GK5: variants seen among roughly 807,000 people sequenced by gnomAD.
The protein encoded by GK5 is glycerol kinase 5.
In GK5, 39 loss-of-function variants were observed where a neutral mutation model predicts 77.3. The observed-to-expected ratio is 0.50, with a 90% confidence interval of 0.39 to 0.66. GK5 has a LOEUF of 0.66. Among genes scored for constraint, GK5 ranks in the 30% least tolerant of loss-of-function variants. The pLI is 0.00. For missense variants in GK5, 487 were observed against 633.8 expected, an observed-to-expected ratio of 0.77 and a Z score of 2.49; for synonymous variants, 211 against 208.0, an observed-to-expected ratio of 1.01 and a Z score of -0.13.
intron 3 of GK5, among the ~76,000 whole-genome samples, chr3:142,207,647 C>G (rs183196120): frequency 5.9e-5 from 9 of 152,254 alleles, no homozygotes; most frequent in Non-Finnish European, 1.3e-4. Context: ...CTAACCTACC[C>G]CCGCCCTCAC....
At chr3:142,199,495 T>C (rs1269787578) in intron 4 of GK5, among the ~76,000 whole-genome samples, 3 of 152,156 alleles carry the variant, frequency 2.0e-5, no homozygotes, top group African/African-American at 7.2e-5. Context: ...TCTGCCTCTA[T>C]GAATCAAAGA....
chr3:142,225,233 C>A, intron 1 of GK5, 76 bp downstream of exon 1: 1 of 1,413,676 alleles, frequency 7.1e-7, no homozygotes, highest in Admixed American at 2.7e-5. Flanking sequence ...GGCCTGCCCG[C>A]TCGCCTCCCG....
At chr3:142,206,834 T>C (rs1222249610) in intron 3 of GK5, among the ~76,000 whole-genome samples, 1 of 152,226 alleles carries the variant, frequency 6.6e-6, no homozygotes, top group Non-Finnish European at 1.5e-5. Context: ...TAATTTGTGC[T>C]ATTGGTTTAT....
At chr3:142,201,804 C>G (rs1273652238) in intron 4 of GK5, among the ~76,000 whole-genome samples, 1 of 152,136 alleles carries the variant, frequency 6.6e-6, no homozygotes, top group African/African-American at 2.4e-5. Flanking sequence ...GATCTCTGTA[C>G]TGTTTCTTAC....
chr3:142,215,540 G>T, intron 2 of GK5, 59 bp downstream of exon 2: 3 of 865,358 alleles, frequency 3.5e-6, no homozygotes, highest in South Asian at 3.3e-5. Flanking sequence ...GAAGCCTGAG[G>T]AAAACTATTA....
chr3:142,184,917 T>C (rs898822238), intron 9 of GK5: 4 of 985,466 alleles, frequency 4.1e-6, no homozygotes, highest in Non-Finnish European at 4.8e-6. Context: ...AGCCATACCT[T>C]AATCTAACCC....
chr3:142,173,627 C>T (rs189372797), intron 12 of GK5, among the ~76,000 whole-genome samples: 13 of 152,066 alleles, frequency 8.5e-5, no homozygotes, highest in Admixed American at 3.3e-4. Flanking sequence ...GAGCTTGCAG[C>T]GAGCGGAGAT....
At chr3:142,219,129 T>C (rs1353498751) in intron 1 of GK5, among the ~76,000 whole-genome samples, 13 of 152,198 alleles carry the variant, frequency 8.5e-5, no homozygotes, top group Admixed American at 8.5e-4. Context: ...CAAAATGGTA[T>C]GGCCACTCTG....
intron 10 of GK5, among the ~76,000 whole-genome samples, chr3:142,181,957 G>A (rs1461253634): frequency 2.6e-5 from 4 of 152,198 alleles, no homozygotes; most frequent in African/African-American, 9.6e-5. Flanking sequence ...TATGAGATTG[G>A]TTTGCTAGAG....
chr3:142,220,883 T>C (rs1447382740), intron 1 of GK5, among the ~76,000 whole-genome samples: 1 of 152,164 alleles, frequency 6.6e-6, no homozygotes. Context: ...GTTCAAAGTC[T>C]TTATAAGGAG....
chr3:142,202,161 G>A (rs780253953), intron 4 of GK5, among the ~76,000 whole-genome samples: 26 of 152,196 alleles, frequency 1.7e-4, no homozygotes, highest in South Asian at 1.0e-3. Context: ...AGGTCTAGGA[G>A]GTGGTCAGAA....
intron 3 of GK5, among the ~76,000 whole-genome samples, chr3:142,207,925 C>T (rs2107793494): frequency 6.6e-6 from 1 of 152,282 alleles, no homozygotes; most frequent in South Asian, 2.1e-4. Flanking sequence ...CATGTTACTT[C>T]TTTTCGCTTT....
At chr3:142,168,504 G>A (rs2063498693) in intron 15 of GK5, among the ~76,000 whole-genome samples, 2 of 152,108 alleles carry the variant, frequency 1.3e-5, no homozygotes, top group South Asian at 2.1e-4. Flanking sequence ...TAACTTTAAT[G>A]TACTATTAGC....
intron 15 of GK5, among the ~76,000 whole-genome samples, chr3:142,168,810 C>CACAACT (rs1214134202): frequency 6.9e-6 from 1 of 144,972 alleles, no homozygotes; most frequent in African/African-American, 2.5e-5. Context: ...GAGGAGTCAC[C>CACAACT]ACAACTACAC....
chr3:142,203,325 T>C (rs1020640625), intron 4 of GK5, among the ~76,000 whole-genome samples: 2 of 152,212 alleles, frequency 1.3e-5, no homozygotes, highest in Admixed American at 6.5e-5. Context: ...ATTGCTGTTA[T>C]ATTCCATAAT....
chr3:142,179,231 G>GC (rs758876562), intron 11 of GK5, among the ~76,000 whole-genome samples: 2 of 152,270 alleles, frequency 1.3e-5, no homozygotes, highest in East Asian at 3.9e-4. Context: ...CATTTAAGGA[G>GC]CACTTACATT....
chr3:142,194,502 G>A (rs1299903303), intron 5 of GK5, among the ~76,000 whole-genome samples: 2 of 151,060 alleles, frequency 1.3e-5, no homozygotes, highest in African/African-American at 4.9e-5. Flanking sequence ...CTCCCTACTG[G>A]ATGACAGAGT....
At position 142,165,530 on chromosome 3, in the gene GK5, T is replaced by G; in HGVS notation, c.*92A>C. ...GAAGCTTATTTAAAATTTTCTCCTCTTAGTCATTGTCATATGGGTTATCCC... is the reference window on the plus strand; with the variant it reads ...GAAGCTTATTTAAAATTTTCTCCTCGTAGTCATTGTCATATGGGTTATCCC... On this transcript the variant is annotated 3_prime_UTR_variant, in exon 16 of 16. Coordinates refer to ENST00000392993, the MANE Select transcript of GK5 (RefSeq NM_001039547.3). 1 of 879,758 alleles carries G rather than the reference T, an allele frequency of 1.1e-6. No individual in the cohort carries two copies. The highest frequency in any genetic ancestry group is 3.1e-5 in the South Asian group (1 of 32,508). The allele number at this position is 879,758 out of a possible 1,614,324, so 54.5% of individuals were successfully genotyped here.
chr3:142,196,684 A>G (rs1025093165), intron 5 of GK5, among the ~76,000 whole-genome samples: 32 of 152,278 alleles, frequency 2.1e-4, no homozygotes, highest in African/African-American at 7.2e-4. Context: ...CAGACTTCGT[A>G]TAATTTCAAC....
Sources: allele counts gnomAD v4.1 joint callset (sites outside exome capture counted in the v4.1 genomes callset), GRCh38; gene constraint gnomAD v4.1.1; transcripts MANE v1.5; gene names NCBI Gene and HGNC (gene_info 2026-07-23, HGNC 2026-07-21).